Variants in SCNN1B observed in about 807,000 individuals in gnomAD.
SCNN1B encodes epithelial sodium channel subunit beta.
A neutral mutation model predicts 65.3 loss-of-function variants in SCNN1B; 46 were observed. The ratio of observed to expected loss-of-function variants is 0.70; its 90% CI spans 0.56 to 0.90. The LOEUF is 0.90. SCNN1B is among the 40% of genes least tolerant of loss of function. The pLI, the probability that SCNN1B is intolerant of heterozygous loss-of-function variation, is 0.00. For missense variants in SCNN1B, 751 were observed against 830.5 expected (o/e 0.90, Z 1.18); for synonymous variants, 349 against 330.6 (o/e 1.06, Z -0.60).
At chr16:23,375,890 A>T in intron 8 of SCNN1B, 35 bp downstream of exon 8, 1 of 1,371,074 alleles carries the variant, frequency 7.3e-7, no homozygotes, top group Non-Finnish European at 1.0e-6. Context: ...CACTCCAGCC[A>T]TCTGGGGCCA....
intron 4 of SCNN1B, chr16:23,358,374 C>T (rs1321955849): frequency 6.6e-6 from 1 of 152,154 alleles, no homozygotes; most frequent in Non-Finnish European, 1.5e-5. Flanking sequence ...GGCTTGGGGT[C>T]TGGGGTTAGA....
intron 5 of SCNN1B, among the ~76,000 whole-genome samples, chr16:23,368,576 A>G (rs1422851343): frequency 1.3e-5 from 2 of 152,108 alleles, no homozygotes; most frequent in Non-Finnish European, 2.9e-5. Context: ...AGTTTCCCCA[A>G]TCATAGATTA....
Position 23,295,176 on chromosome 16 carries a change from C to G in SCNN1B, n.178+11372C>G, listed in dbSNP as rs183148620. ...TTTTGCCTTGTTGACCGGTGTATCT[C>G]TAGTGCCCAGAACACAAAATCAGTG... On this transcript the variant is annotated intron_variant and non_coding_transcript_variant, in intron 2 of 3. Coordinates refer to the SCNN1B transcript ENST00000569789. Among the ~76,000 whole-genome samples the G allele has an allele frequency of 1.5e-3, 222 of 152,248 alleles. 1 individual carries two copies. Among genetic ancestry groups the G allele is most frequent in the African/African-American group, 5.1e-3 (214 of 41,556 alleles).
At chr16:23,341,290 A>G (rs969583487) in intron 1 of SCNN1B, among the ~76,000 whole-genome samples, 10 of 152,206 alleles carry the variant, frequency 6.6e-5, no homozygotes, top group Non-Finnish European at 1.3e-4. Context: ...ATCTCACACT[A>G]TATATGTAAA....
chr16:23,295,389 A>AT (rs930938347), intron 2 of SCNN1B, among the ~76,000 whole-genome samples: 26 of 150,804 alleles, frequency 1.7e-4, no homozygotes, highest in African/African-American at 6.3e-4. Flanking sequence ...CCAGCAATTT[A>AT]TTTTTTGTAG....
intron 1 of SCNN1B, among the ~76,000 whole-genome samples, chr16:23,332,638 T>A (rs1961837721): frequency 6.6e-6 from 1 of 152,118 alleles, no homozygotes. Context: ...GTCAGAGATG[T>A]TTTTTATCCC....
intron 1 of SCNN1B, among the ~76,000 whole-genome samples, chr16:23,329,429 C>T (rs1025762409): frequency 1.6e-4 from 25 of 152,188 alleles, no homozygotes; most frequent in African/African-American, 5.5e-4. Flanking sequence ...TTATTTTAAA[C>T]GCTAGTTTTC....
intron 1 of SCNN1B, among the ~76,000 whole-genome samples, chr16:23,317,551 G>A (rs956643009): frequency 2.6e-5 from 4 of 152,106 alleles, no homozygotes; most frequent in Non-Finnish European, 5.9e-5. Flanking sequence ...TGATGCTGCC[G>A]CCAATCCGGT....
chr16:23,360,221 T>TAAATAAATAAATAAAC (rs1363254834), intron 4 of SCNN1B, among the ~76,000 whole-genome samples: 2 of 150,220 alleles, frequency 1.3e-5, no homozygotes, highest in East Asian at 2.0e-4. Flanking sequence ...AATAAATAAA[T>TAAATAAATAAATAAAC]AAATAAACAA....
At chr16:23,377,058 A>G (rs565651162) in intron 8 of SCNN1B, 107 bp from the exon 9 acceptor site, 9 of 988,036 alleles carry the variant, frequency 9.1e-6, no homozygotes, top group Non-Finnish European at 1.4e-5. Flanking sequence ...CTGCCACCTA[A>G]CCACAGGGCC....
chr16:23,333,293 T>C (rs186171039), intron 1 of SCNN1B, among the ~76,000 whole-genome samples: 10 of 152,346 alleles, frequency 6.6e-5, no homozygotes, highest in Non-Finnish European at 1.0e-4. Context: ...CTGTTTGCAG[T>C]TGTTGTCTGG....
intron 2 of SCNN1B, among the ~76,000 whole-genome samples, chr16:23,293,274 A>G (rs1960952870): frequency 2.6e-5 from 4 of 152,262 alleles, no homozygotes; most frequent in East Asian, 3.9e-4. Context: ...ATGTCCATAA[A>G]CAGATAAATG....
At chr16:23,312,259 C>G (rs1181017176) in intron 1 of SCNN1B, among the ~76,000 whole-genome samples, 1 of 152,174 alleles carries the variant, frequency 6.6e-6, no homozygotes. Context: ...CATGAGCTAC[C>G]TCGCCTGGCT....
intron 1 of SCNN1B, among the ~76,000 whole-genome samples, chr16:23,335,698 C>T (rs1961923108): frequency 6.6e-6 from 1 of 152,006 alleles, no homozygotes; most frequent in African/African-American, 2.4e-5. Context: ...CCACCTGCCT[C>T]AGCCTCCCAA....
At chr16:23,370,129 G>A (rs1434934192) in intron 5 of SCNN1B, among the ~76,000 whole-genome samples, 1 of 151,256 alleles carries the variant, frequency 6.6e-6, no homozygotes, top group Non-Finnish European at 1.5e-5. Context: ...ATTTTGATAT[G>A]GAGTTTTGCT....
At chr16:23,353,508 T>C (rs1962355828) in intron 3 of SCNN1B, among the ~76,000 whole-genome samples, 1 of 152,232 alleles carries the variant, frequency 6.6e-6, no homozygotes, top group South Asian at 2.1e-4. Context: ...AAAAGAGCTC[T>C]TTCCCTATAG....
chr16:23,379,535 G>T (rs9806917), intron 11 of SCNN1B, among the ~76,000 whole-genome samples: 6,629 of 152,164 alleles, frequency 0.044, 287 homozygotes, highest in South Asian at 0.11. Flanking sequence ...AGACAAAGCT[G>T]GAAAGCCTGG....
chr16:23,358,508 A>G (rs1962465381), intron 4 of SCNN1B: 1 of 152,194 alleles, frequency 6.6e-6, no homozygotes, highest in Non-Finnish European at 1.5e-5. Context: ...CCTACCCTAC[A>G]TGGTTACTTT....
rs867221269 is a variant in SCNN1B, at chr16:23,346,288, T to G, written c.-8-2304T>G. On this transcript the variant is annotated intron_variant, in intron 1 of 12. Transcript: ENST00000343070. ...GTGCAGTGGGGCGATCTCAGCTCAG[T>G]GCAATCTCGGCTCACTGCAACCTCC... Among the ~76,000 whole-genome samples, 6 of 141,656 alleles carry G rather than the reference T, an allele frequency of 4.2e-5. No homozygotes were observed. The South Asian group carries it at 1.4e-3, about 34-fold the overall frequency. The allele number at this position is 141,656 out of a possible 152,430, so 92.9% of individuals were successfully genotyped here. A position where few individuals can be genotyped will look rare whatever the true frequency, so the allele number is the denominator to read the frequency against.
Sources: gnomAD v4.1 joint callset for allele counts (sites outside exome capture counted in the v4.1 genomes callset) on GRCh38, gnomAD v4.1.1 for gene constraint, MANE v1.5 for transcripts, NCBI Gene and HGNC (gene_info 2026-07-23, HGNC 2026-07-21) for gene names.